Variants in GALNT13 observed in about 807,000 individuals in gnomAD.
The protein encoded by GALNT13 is polypeptide N-acetylgalactosaminyltransferase 13.
GALNT13 carries 28 observed loss-of-function variants against 64.2 expected under a neutral mutation model. That is an observed-to-expected ratio of 0.44 (90% CI 0.32 to 0.60). The LOEUF is 0.60. Among genes scored for constraint, GALNT13 ranks in the 20% least tolerant of loss-of-function variants. The probability of loss-of-function intolerance (pLI) is 0.05; values close to 1 mark genes in which losing one functional copy is unlikely to be tolerated. For missense variants in GALNT13, 577 were observed against 669.8 expected (o/e 0.86, Z 1.53); for synonymous variants, 214 against 224.6 (o/e 0.95, Z 0.42).
intron 3 of GALNT13, among the ~76,000 whole-genome samples, chr2:153,966,307 T>C (rs1197958122): frequency 6.6e-5 from 10 of 150,564 alleles, no homozygotes; most frequent in Non-Finnish European, 1.5e-5. Flanking sequence ...AGAAGCCTGG[T>C]CCTAGATGTA....
chr2:153,130,289 AC>A, the GALNT13 span, among the ~76,000 whole-genome samples: 16 of 151,582 alleles, frequency 1.1e-4, no homozygotes, highest in Non-Finnish European at 1.9e-4. Flanking sequence ...TCTCCTCAAA[AC>A]CCCTGTTTGA....
chr2:154,406,087 A>G (rs1699525714), intron 10 of GALNT13, among the ~76,000 whole-genome samples: 1 of 152,198 alleles, frequency 6.6e-6, no homozygotes, highest in Admixed American at 6.5e-5. Flanking sequence ...CAAGAACTCA[A>G]GACTATTGTT....
chr2:153,571,677 A>G, the GALNT13 span, among the ~76,000 whole-genome samples: 1 of 152,024 alleles, frequency 6.6e-6, no homozygotes, highest in Non-Finnish European at 1.5e-5. Context: ...ATTTTATCAA[A>G]TGCTCTTTCA....
At chr2:153,968,340 G>A (rs1693513461) in intron 3 of GALNT13, among the ~76,000 whole-genome samples, 2 of 152,288 alleles carry the variant, frequency 1.3e-5, no homozygotes. Flanking sequence ...TCCCTGTGTT[G>A]TGCTTTACTG....
intron 1 of GALNT13, among the ~76,000 whole-genome samples, chr2:153,878,897 C>G (rs942945590): frequency 6.6e-5 from 10 of 152,176 alleles, no homozygotes; most frequent in Admixed American, 6.5e-4. Context: ...TGAAATGTGG[C>G]TAAATTGACC....
At position 154,396,022 on chromosome 2, in the gene GALNT13, A is replaced by T; in HGVS notation, c.1188A>T (p.Ser396=). 6.2e-7 allele frequency: 1 copy of T among 1,609,860 alleles called. No homozygotes were observed. The highest frequency in any genetic ancestry group is 1.1e-5 in the South Asian group (1 of 90,326). ...TCAAAGTGGATTATGGAGATGTGTC[A>T]GTCAGAAAAACACTAAGAGAAAATC... ...GVVKVDYGDV[S]VRKTLRENLK... The change falls in exon 10 of 13, where the codon TCA becomes TCT. Residue 396 remains serine (S), a synonymous_variant. Transcript: ENST00000392825.
chr2:154,120,902 T>C (rs75620249), intron 3 of GALNT13, among the ~76,000 whole-genome samples: 60 of 152,258 alleles, frequency 3.9e-4, no homozygotes, highest in Non-Finnish European at 7.5e-4. Context: ...ACTTCCTTCC[T>C]TTGTTTCTGT....
chr2:153,507,125 C>T, the GALNT13 span, among the ~76,000 whole-genome samples: 1 of 151,962 alleles, frequency 6.6e-6, no homozygotes, highest in Non-Finnish European at 1.5e-5. Flanking sequence ...CTTTCTTCTG[C>T]TTGTTAGATT....
chr2:153,183,323 T>G, the GALNT13 span, among the ~76,000 whole-genome samples: 5 of 151,406 alleles, frequency 3.3e-5, no homozygotes, highest in Admixed American at 1.3e-4. Context: ...TTTTAATGGG[T>G]TTTTTTTCTC....
chr2:153,861,254 T>C, the GALNT13 span, among the ~76,000 whole-genome samples: 2 of 152,220 alleles, frequency 1.3e-5, no homozygotes, highest in East Asian at 1.9e-4. Context: ...TTATATGTAG[T>C]GTATACTTAT....
intron 9 of GALNT13, among the ~76,000 whole-genome samples, chr2:154,363,422 A>G (rs1322574177): frequency 6.6e-6 from 1 of 152,124 alleles, no homozygotes; most frequent in Non-Finnish European, 1.5e-5. Context: ...TCTGCAGTGG[A>G]CCAGTGAGGA....
the GALNT13 span, among the ~76,000 whole-genome samples, chr2:153,708,049 A>T: frequency 5.3e-5 from 8 of 152,146 alleles, no homozygotes; most frequent in African/African-American, 1.7e-4. Flanking sequence ...GGATCTTTCC[A>T]TACCCCCTAC....
chr2:154,411,815 T>C (rs748458811), intron 11 of GALNT13, among the ~76,000 whole-genome samples: 9 of 151,682 alleles, frequency 5.9e-5, no homozygotes, highest in Non-Finnish European at 1.3e-4. Flanking sequence ...TAGAAGAACA[T>C]TGTTGTGTTG....
chr2:154,320,011 T>TATA (rs1230464571), intron 9 of GALNT13, among the ~76,000 whole-genome samples: 1 of 152,114 alleles, frequency 6.6e-6, no homozygotes. Context: ...ATTATGCATA[T>TATA]ATATATCCCT....
chr2:153,232,473 A>G, the GALNT13 span, among the ~76,000 whole-genome samples: 2 of 152,194 alleles, frequency 1.3e-5, no homozygotes, highest in Non-Finnish European at 2.9e-5. Context: ...CTTTTAGAAC[A>G]CACTCACCAC....
chr2:153,963,077 C>A (rs1344418125), intron 3 of GALNT13, among the ~76,000 whole-genome samples: 1 of 152,194 alleles, frequency 6.6e-6, no homozygotes, highest in African/African-American at 2.4e-5. Flanking sequence ...AAGCCAAGAC[C>A]AAGGTGCAAG....
At chr2:154,326,919 C>T (rs921587287) in intron 9 of GALNT13, among the ~76,000 whole-genome samples, 1 of 152,082 alleles carries the variant, frequency 6.6e-6, no homozygotes, top group African/African-American at 2.4e-5. Context: ...CATTTTGGTT[C>T]GTCCATCAGG....
At chr2:153,684,921 T>C in the GALNT13 span, among the ~76,000 whole-genome samples, 1 of 151,928 alleles carries the variant, frequency 6.6e-6, no homozygotes, top group Non-Finnish European at 1.5e-5. Flanking sequence ...TTTCCGTTCC[T>C]GTGTTAGTTT....
the GALNT13 span, among the ~76,000 whole-genome samples, chr2:153,307,025 C>T: frequency 4.1e-4 from 63 of 152,342 alleles, 2 homozygotes; most frequent in South Asian, 7.7e-3. Context: ...CATGAGCCAA[C>T]GCACCCAGCT....
Sources: gnomAD v4.1 joint callset for allele counts (sites outside exome capture counted in the v4.1 genomes callset) on GRCh38, gnomAD v4.1.1 for gene constraint, MANE v1.5 for transcripts, NCBI Gene and HGNC (gene_info 2026-07-23, HGNC 2026-07-21) for gene names.